ITSN2: variants seen among roughly 807,000 people sequenced by gnomAD.
ITSN2 encodes the protein intersectin 2.
Under a neutral mutation model 243.7 loss-of-function variants are expected in ITSN2, and 156 were observed. The observed-to-expected ratio is 0.64, with a 90% CI of 0.56 to 0.73. The LOEUF is 0.73. Ranked by LOEUF, ITSN2 falls within the 30% of genes least tolerant of loss-of-function variation. The pLI, the probability that ITSN2 is intolerant of heterozygous loss-of-function variation, is 0.00. For missense variants in ITSN2, 1,801 were observed against 1,996.1 expected, an observed-to-expected ratio of 0.90 and a Z score of 1.86; for synonymous variants, 703 against 699.9, an observed-to-expected ratio of 1.00 and a Z score of -0.07.
intron 29 of ITSN2, among the ~76,000 whole-genome samples, chr2:24,244,443 T>C (rs535395877): frequency 2.0e-5 from 3 of 152,312 alleles, no homozygotes; most frequent in East Asian, 1.9e-4. Flanking sequence ...TCTATGAGGC[T>C]TAATTGGAAA....
rs575103475 is a variant in ITSN2 at position 24,286,182 on chromosome 2, C to T, written c.1863+30G>A. On this transcript the variant is annotated intron_variant, in intron 16 of 39. Transcript: ENST00000355123. ...ATAATGAAGGTAAGAAGGCAGTTAC[C>T]TAAAAATAAATAGTATCAAAAATAA... The T allele has an allele frequency of 2.1e-5, 29 of 1,388,284 alleles. No individual in the cohort carries two copies. The South Asian group carries it at 3.7e-4, about 18-fold the overall frequency. 86.0% of individuals were successfully genotyped at this position (1,388,284 alleles called of 1,614,324 possible).
At chr2:24,318,319 T>A (rs1684162664) in intron 2 of ITSN2, among the ~76,000 whole-genome samples, 1 of 152,154 alleles carries the variant, frequency 6.6e-6, no homozygotes, top group South Asian at 2.1e-4. Flanking sequence ...CTAATTTTTG[T>A]ATTTTTTGTA....
intron 37 of ITSN2, among the ~76,000 whole-genome samples, chr2:24,207,868 C>T (rs189273557): frequency 5.6e-4 from 85 of 151,884 alleles, no homozygotes; most frequent in African/African-American, 1.6e-3. Context: ...TGAGGAGGAG[C>T]AGTGGCTGCT....
chr2:24,243,085 T>A (rs1573978950), intron 29 of ITSN2, among the ~76,000 whole-genome samples: 1 of 152,238 alleles, frequency 6.6e-6, no homozygotes, highest in South Asian at 2.1e-4. Context: ...TTAGTACTTA[T>A]CCTTCATGTA....
intron 2 of ITSN2, among the ~76,000 whole-genome samples, chr2:24,316,371 C>T (rs945357937): frequency 3.9e-5 from 6 of 152,160 alleles, no homozygotes; most frequent in African/African-American, 1.2e-4. Context: ...GCCTCCGCCT[C>T]CTGGGTTCAA....
At chr2:24,317,096 A>G (rs1404627269) in intron 2 of ITSN2, among the ~76,000 whole-genome samples, 1 of 152,202 alleles carries the variant, frequency 6.6e-6, no homozygotes, top group African/African-American at 2.4e-5. Flanking sequence ...AAAAAGTGGC[A>G]GTGGCCGGGC....
rs1452599549 is a variant in ITSN2, at chr2:24,225,516, G to A, written c.3578-4450C>T. Among the ~76,000 whole-genome samples the A allele has an allele frequency of 6.6e-6, 1 of 152,124 alleles. No individual in the cohort carries two copies. Among genetic ancestry groups the A allele is most frequent in the Non-Finnish European group, 1.5e-5 (1 of 68,030 alleles). ...GCCCACAGCACAGGCGCCTTGGATG[G>A]GAGGCTTTTTTGGAGACTTGAGTCT... is the stretch of plus-strand genomic sequence containing the variant. On this transcript the variant is annotated intron_variant, in intron 29 of 39. Coordinates refer to ENST00000355123, the MANE Select transcript of ITSN2 (RefSeq NM_006277.3). The surrounding 1 kb of genome is among the most constrained non-coding windows in gnomAD (Gnocchi z 4.2).
Position 24,302,098 on chromosome 2 carries a change from G to T in ITSN2, c.862C>A (p.Leu288Met). 1 of 1,596,162 alleles carries T rather than the reference G, an allele frequency of 6.3e-7. No homozygotes were observed. Among genetic ancestry groups the T allele is most frequent in the Non-Finnish European group, 8.5e-7 (1 of 1,171,380 alleles). The change falls in exon 10 of 40, where the codon CTG becomes ATG. Residue 288 changes from leucine (L) to methionine (M), a missense_variant. This residue lies in a region of ITSN2 where 787 missense variants were observed against 803.9 expected (regional missense o/e 0.98). Coordinates refer to ENST00000355123, the MANE Select transcript of ITSN2 (RefSeq NM_006277.3). ...TGTCCATCACCATCAACGTCAGCCAGAGTCCTAAAGAAAATGTTAAAATTC... is the reference window on the plus strand; with the variant it reads ...TGTCCATCACCATCAACGTCAGCCATAGTCCTAAAGAAAATGTTAAAATTC... ...SQTQLATIWTLADVDGDGQLK... is the reference protein window; with the variant it reads ...SQTQLATIWTMADVDGDGQLK...
chr2:24,208,729 G>A (rs894182287), intron 36 of ITSN2, among the ~76,000 whole-genome samples: 18 of 152,232 alleles, frequency 1.2e-4, no homozygotes, highest in African/African-American at 1.9e-4. Context: ...CCTGAGGGGC[G>A]AAAGTCTGCA....
rs757782628 is a variant in ITSN2 at position 24,203,777 on chromosome 2, A to G, written c.4943T>C (p.Leu1648Pro). Residue 1648 changes from leucine (L) to proline (P), a missense_variant, in exon 40 of 40, where the codon CTG (leucine) becomes CCG (proline). By Grantham distance (98) the Leu-to-Pro change is moderately conservative. Coordinates refer to ENST00000355123, the MANE Select transcript of ITSN2 (RefSeq NM_006277.3). ...DRDQFSPDDF[L>P]GRTEIPVAKI... ...TGCCACTGGAATTTCAGTACGACCC[A>G]GGAAATCTGGTGAATAAACACAGGA... 2 of 1,613,286 alleles carry G rather than the reference A, an allele frequency of 1.2e-6. No homozygotes were observed. The highest frequency in any genetic ancestry group is 1.1e-5 in the South Asian group (1 of 91,044).
chr2:24,212,647 C>T lies in ITSN2; in HGVS notation c.4089+3G>A. On this transcript the variant is annotated splice_donor_region_variant and intron_variant, in intron 33 of 39. Coordinates refer to ENST00000355123, the MANE Select transcript of ITSN2 (RefSeq NM_006277.3). The stretch of plus-strand genomic sequence containing the variant: ...GACCCCACTGCCCGGCCTGCACACT[C>T]ACACTTCTGATGAGCAGTGGGTAGC... 6.2e-7 allele frequency: 1 copy of T among 1,603,632 alleles called. No individual in the cohort carries two copies. Among genetic ancestry groups the T allele is most frequent in the Non-Finnish European group, 8.5e-7 (1 of 1,174,482 alleles).
chr2:24,337,860 A>T (rs952331984), intron 1 of ITSN2, among the ~76,000 whole-genome samples: 3 of 152,104 alleles, frequency 2.0e-5, no homozygotes, highest in African/African-American at 7.2e-5. Flanking sequence ...AGGTACACAC[A>T]GCCAACTTCC....
chr2:24,265,094 TGTTA>T (rs1676508207), intron 20 of ITSN2, among the ~76,000 whole-genome samples: 1 of 152,224 alleles, frequency 6.6e-6, no homozygotes, highest in Non-Finnish European at 1.5e-5. Context: ...CCTGGCTGCC[TGTTA>T]AAGTTTTGAT....
chr2:24,250,660 C>CG (rs1418761894), intron 25 of ITSN2, among the ~76,000 whole-genome samples: 1 of 152,118 alleles, frequency 6.6e-6, no homozygotes. Context: ...AACTGTTCAC[C>CG]GATAGGGCTT....
chr2:24,302,384 GA>G (rs1224250063), intron 9 of ITSN2, among the ~76,000 whole-genome samples: 2 of 151,946 alleles, frequency 1.3e-5, no homozygotes, highest in African/African-American at 4.8e-5. Context: ...ATTTTTAGTA[GA>G]GACGGGGTTT....
chr2:24,250,296 A>G (rs1325500998), intron 25 of ITSN2, among the ~76,000 whole-genome samples: 2 of 152,196 alleles, frequency 1.3e-5, no homozygotes, highest in Non-Finnish European at 2.9e-5. Context: ...TTTAGCGAAC[A>G]TTTTCTTAAA....
At chr2:24,228,490 AAAT>A (rs1671265736) in intron 29 of ITSN2, among the ~76,000 whole-genome samples, 7 of 152,240 alleles carry the variant, frequency 4.6e-5, no homozygotes, top group African/African-American at 1.4e-4. Flanking sequence ...TGGCAGGTAT[AAAT>A]ACAAGGTGAA....
chr2:24,204,291 G>A lies in ITSN2; in HGVS notation c.4890C>T (p.Asp1630=), dbSNP rs761963955. Residue 1630 remains aspartate, a synonymous_variant, in exon 39 of 40, where the codon GAC becomes GAT. Transcript: ENST00000355123. This position sits in a 1 kb window ranked among gnomAD's most constrained non-coding sequence, Gnocchi z 5.1. ...CQFFIKDLYQ[D]VLCLTLFDRD... The stretch of plus-strand genomic sequence containing the variant: ...TGTCAAACAGGGTGAGACACAGCAC[G>A]TCTTGGTAGAGATCCTTAATAAAGA... 82 of 1,614,046 alleles carry A rather than the reference G, an allele frequency of 5.1e-5. 2 individuals carry two copies. Among genetic ancestry groups the A allele is most frequent in the South Asian group, 4.1e-4 (37 of 91,084 alleles).
intron 8 of ITSN2, among the ~76,000 whole-genome samples, chr2:24,304,994 T>C (rs1312017151): frequency 6.6e-6 from 1 of 152,254 alleles, no homozygotes; most frequent in Non-Finnish European, 1.5e-5. Flanking sequence ...CTTTGTAGTC[T>C]ATCCTCTGAA....
Sources: allele counts gnomAD v4.1 joint callset (sites outside exome capture counted in the v4.1 genomes callset), GRCh38; gene constraint gnomAD v4.1.1; regional missense constraint gnomAD v4.1.1; non-coding constraint Gnocchi (gnomAD v3.1); transcripts MANE v1.5; gene names NCBI Gene and HGNC (gene_info 2026-07-23, HGNC 2026-07-21).